SNX6: variants seen among roughly 807,000 people sequenced by gnomAD.
SNX6 encodes sorting nexin-6.
Under a neutral mutation model 63.0 loss-of-function variants are expected in SNX6, and 34 were observed. The observed-to-expected ratio is 0.54, with a 90% confidence interval of 0.41 to 0.72. SNX6 has a LOEUF of 0.72. Ranked by LOEUF, SNX6 falls within the 30% of genes least tolerant of loss-of-function variation. The pLI is 0.00. For missense variants in SNX6, 398 were observed against 471.4 expected (o/e 0.84, Z 1.44); for synonymous variants, 170 against 164.2 (o/e 1.04, Z -0.27).
intron 9 of SNX6, among the ~76,000 whole-genome samples, chr14:34,585,167 T>C (rs906498340): frequency 2.0e-5 from 3 of 152,164 alleles, no homozygotes; most frequent in Admixed American, 6.6e-5. Context: ...CCCAAGTTTT[T>C]AAAGGAGGTC....
At chr14:34,568,117 A>T in intron 11 of SNX6, 104 bp from the exon 12 acceptor site, 1 of 896,898 alleles carries the variant, frequency 1.1e-6, no homozygotes, top group Non-Finnish European at 1.7e-6. Flanking sequence ...GCTAACACAT[A>T]GTGAATACTA....
intron 13 of SNX6, 46 bp downstream of exon 13, chr14:34,567,640 T>C (rs1566462445): frequency 7.1e-7 from 1 of 1,411,114 alleles, no homozygotes; most frequent in Non-Finnish European, 1.0e-6. Flanking sequence ...GATTCATTTC[T>C]ATATTACATG....
chr14:34,567,631 A>T, intron 13 of SNX6, 55 bp downstream of exon 13: 59 of 1,235,310 alleles, frequency 4.8e-5, no homozygotes, highest in Non-Finnish European at 6.2e-5. Context: ...GTCATAACTG[A>T]TTCATTTCTA....
At position 34,562,298 on chromosome 14, in the gene SNX6, TAC is replaced by T. The variant is rs1164233282; in HGVS notation, c.*822_*823del. On this transcript the variant is annotated 3_prime_UTR_variant, in exon 14 of 14. Transcript: ENST00000362031. ...CTGTCCGATTCCACCTTCTATGAAG[TAC>T]ACACAGAGGAGCAGTTCATTCTTTT... 6.6e-6 allele frequency: 1 copy of T among 152,314 alleles called. No homozygotes were observed. The highest frequency in any genetic ancestry group is 1.5e-5 in the Non-Finnish European group (1 of 68,062). 9.4% of individuals were successfully genotyped at this position (152,314 alleles called of 1,614,324 possible).
At chr14:34,586,705 C>CA (rs1882171897) in intron 8 of SNX6, among the ~76,000 whole-genome samples, 4 of 150,098 alleles carry the variant, frequency 2.7e-5, no homozygotes, top group Non-Finnish European at 5.9e-5. Context: ...AAGACTCCGT[C>CA]TCAAACAAAA....
chr14:34,578,863 T>C (rs903556965), intron 10 of SNX6, among the ~76,000 whole-genome samples: 3 of 129,214 alleles, frequency 2.3e-5, no homozygotes, highest in Non-Finnish European at 4.7e-5. Context: ...TGCTTGAACC[T>C]GGGAGGCGGA....
At chr14:34,594,115 C>G (rs1882508998) in intron 7 of SNX6, among the ~76,000 whole-genome samples, 1 of 152,150 alleles carries the variant, frequency 6.6e-6, no homozygotes, top group Admixed American at 6.6e-5. Context: ...CAGAAGTGAT[C>G]AATTCCTTTT....
intron 5 of SNX6, 133 bp from the exon 6 acceptor site, chr14:34,603,604 A>G (rs1385682546): frequency 2.6e-5 from 19 of 718,698 alleles, no homozygotes; most frequent in Non-Finnish European, 3.7e-5. Flanking sequence ...AATTCATGTA[A>G]ACAAGGTTTT....
At chr14:34,573,351 G>C (rs1881535718) in intron 11 of SNX6, among the ~76,000 whole-genome samples, 1 of 152,018 alleles carries the variant, frequency 6.6e-6, no homozygotes, top group Admixed American at 6.6e-5. Flanking sequence ...GAGGCTGGTG[G>C]ATCACTTAAG....
At chr14:34,572,583 A>G (rs180845981) in intron 11 of SNX6, among the ~76,000 whole-genome samples, 43 of 152,276 alleles carry the variant, frequency 2.8e-4, no homozygotes, top group Non-Finnish European at 4.7e-4. Context: ...TCAGGTGGGA[A>G]TTTTGTGTAC....
intron 7 of SNX6, among the ~76,000 whole-genome samples, chr14:34,595,379 T>G (rs959861711): frequency 2.6e-5 from 4 of 152,230 alleles, no homozygotes; most frequent in African/African-American, 9.6e-5. Context: ...TCAGGTGATC[T>G]GCCTGCCTTG....
At chr14:34,578,197 C>T (rs949392658) in intron 10 of SNX6, among the ~76,000 whole-genome samples, 7 of 151,734 alleles carry the variant, frequency 4.6e-5, no homozygotes, top group African/African-American at 1.5e-4. Context: ...GAGCAAGACT[C>T]TGTCTCAAAA....
At chr14:34,568,550 G>A (rs774942367) in intron 11 of SNX6, 26 of 537,888 alleles carry the variant, frequency 4.8e-5, no homozygotes, top group Non-Finnish European at 8.7e-5. Context: ...TGCCCAGGCA[G>A]GTCTCAAACT....
intron 7 of SNX6, among the ~76,000 whole-genome samples, chr14:34,595,419 G>C (rs947058474): frequency 6.6e-5 from 10 of 152,308 alleles, no homozygotes; most frequent in African/African-American, 2.4e-4. Flanking sequence ...TTATAGGCGT[G>C]AGCCACTGTG....
intron 6 of SNX6, among the ~76,000 whole-genome samples, chr14:34,601,962 C>T (rs1012613138): frequency 6.6e-6 from 1 of 152,050 alleles, no homozygotes; most frequent in African/African-American, 2.4e-5. Flanking sequence ...GAAATAACTG[C>T]ATTACTACTG....
At chr14:34,619,252 T>C (rs1253245932) in intron 2 of SNX6, among the ~76,000 whole-genome samples, 1 of 152,038 alleles carries the variant, frequency 6.6e-6, no homozygotes, top group Admixed American at 6.6e-5. Context: ...TGAAACCCCA[T>C]CTCTACTAAA....
intron 13 of SNX6, among the ~76,000 whole-genome samples, chr14:34,567,401 C>T (rs530263591): frequency 7.5e-4 from 114 of 152,088 alleles, no homozygotes; most frequent in African/African-American, 2.6e-3. Context: ...GCGTGAGAAT[C>T]GCTTGAACCC....
At chr14:34,568,961 G>A (rs764308960) in intron 11 of SNX6, 150 of 1,388,042 alleles carry the variant, frequency 1.1e-4, no homozygotes, top group Admixed American at 4.0e-4. Context: ...GAAGCAGCTC[G>A]CGTGTACAAC....
At chr14:34,574,924 TCTTGTTGCCCAGG>T (rs1268303891) in intron 11 of SNX6, among the ~76,000 whole-genome samples, 7 of 152,012 alleles carry the variant, frequency 4.6e-5, no homozygotes, top group Non-Finnish European at 8.8e-5. Context: ...AGAGTTTCAC[TCTTGTTGCCCAGG>T]CTGCAGTGCA....
Sources: gnomAD v4.1 joint callset for allele counts (sites outside exome capture counted in the v4.1 genomes callset) on GRCh38, gnomAD v4.1.1 for gene constraint, MANE v1.5 for transcripts, NCBI Gene and HGNC (gene_info 2026-07-23, HGNC 2026-07-21) for gene names.